LDLRAD2: variants seen among roughly 807,000 people sequenced by gnomAD.
The protein encoded by LDLRAD2 is low density lipoprotein receptor class A domain containing 2, also known as low-density lipoprotein receptor class A domain-containing protein 2.
A neutral mutation model predicts 24.9 loss-of-function variants in LDLRAD2; 25 were observed. That is an observed-to-expected ratio of 1.00 (90% CI 0.73 to 1.40). The LOEUF (loss-of-function observed/expected upper bound fraction) is 1.40. Among genes scored for constraint, LDLRAD2 ranks in the 40% most tolerant of loss-of-function variants. The pLI, the probability that LDLRAD2 is intolerant of heterozygous loss-of-function variation, is 0.00. For synonymous variants in LDLRAD2, 182 were observed against 166.7 expected (o/e 1.09, Z -0.71); for missense variants, 391 against 366.2 (o/e 1.07, Z -0.55).
rs1170934756 is a variant in LDLRAD2, at chr1:21,812,410, A to T, written c.-42A>T. ...TCTCCCCAGAGACCCCAAGCTGAAG[A>T]TTCTGTGGGTCTGCCCCATTGCTGG... On this transcript the variant is annotated 5_prime_UTR_variant, in exon 1 of 5. Transcript: ENST00000344642. 2.6e-6 allele frequency: 4 copies of T among 1,538,124 alleles called. No homozygotes were observed. The highest frequency in any genetic ancestry group is 3.6e-6 in the Non-Finnish European group (4 of 1,111,742).
In LDLRAD2 at chr1:21,823,487, G is replaced by A. The variant is rs568526447; in HGVS notation, c.*1272G>A. 2.3e-5 allele frequency: 37 copies of A among 1,602,128 alleles called. No individual in the cohort carries two copies. In the East Asian group the frequency reaches 6.9e-4, roughly 30 times the overall value. On this transcript the variant is annotated 3_prime_UTR_variant, in exon 5 of 5. Transcript: ENST00000344642. ...TCAGCGTGGCCACGTCAGGGGCTCC[G>A]CCTGCCGGGAGGTGAGAGGACAGGG...
At position 21,823,406 on chromosome 1, in the gene LDLRAD2, G is replaced by A. The variant is rs1247850078; in HGVS notation, c.*1191G>A. The A allele has an allele frequency of 2.5e-6, 4 of 1,576,764 alleles. No individual in the cohort carries two copies. Among genetic ancestry groups the A allele is most frequent in the Non-Finnish European group, 3.4e-6 (4 of 1,166,190 alleles). On this transcript the variant is annotated 3_prime_UTR_variant, in exon 5 of 5. Transcript: ENST00000344642. Reference sequence around the variant, plus strand: ...GGGGCGGGGCGCCGGGTCGGGCCGAGTGCAGCACCAGGTTCTTGACACAGC... The same window carrying A: ...GGGGCGGGGCGCCGGGTCGGGCCGAATGCAGCACCAGGTTCTTGACACAGC...
rs954014198 is a variant in LDLRAD2 at position 21,813,872 on chromosome 1, T to TC, written c.86-522dup. ...GCTCCTTATCACACAGCTCTCCCCC[T>TC]CCCCTTTTTTTTTTTTGGTGACGGA... is the stretch of plus-strand genomic sequence containing the variant. On this transcript the variant is annotated intron_variant, in intron 1 of 4. Coordinates refer to ENST00000344642, the MANE Select transcript of LDLRAD2 (RefSeq NM_001013693.3). 1.9e-4 allele frequency among the ~76,000 whole-genome samples: 14 copies of TC among 75,666 alleles called. No homozygotes were observed. In the East Asian group the frequency reaches 2.5e-3, roughly 14 times the overall value. The allele number at this position is 75,666 out of a possible 152,430, so 49.6% of individuals were successfully genotyped here.
In LDLRAD2 at chr1:21,823,666, C is replaced by T. The variant is rs142762124; in HGVS notation, c.*1451C>T. The T allele has an allele frequency of 1.7e-5, 28 of 1,613,550 alleles. No homozygotes were observed. In the African/African-American group the frequency reaches 2.9e-4, roughly 17 times the overall value. On this transcript the variant is annotated 3_prime_UTR_variant, in exon 5 of 5. Transcript: ENST00000344642. ...GACTGCCACGTTGGGACCTGGGGAC[C>T]GGCCGCTGACCAGCTCCTCACCGTC...
chr1:21,819,814 G>A (rs2097948358), intron 3 of LDLRAD2, among the ~76,000 whole-genome samples: 1 of 152,164 alleles, frequency 6.6e-6, no homozygotes, highest in African/African-American at 2.4e-5. Context: ...ATAAAGAAAA[G>A]AGGTTTAATT....
At chr1:21,821,289 C>G (rs1407417366) in intron 3 of LDLRAD2, among the ~76,000 whole-genome samples, 161 bp from the exon 4 acceptor site, 2 of 152,164 alleles carry the variant, frequency 1.3e-5, no homozygotes, top group Admixed American at 6.5e-5. Context: ...TCAAGTCCTC[C>G]TATCACTTCC....
Position 21,821,576 on chromosome 1 carries a change from G to T in LDLRAD2, c.770G>T (p.Gly257Val). Reference sequence around the variant, plus strand: ...GCAGCTGAGAGGAGTTCCCCAGCAGGCAGGGACCCCACGAGACAAGACGCA... The same window carrying T: ...GCAGCTGAGAGGAGTTCCCCAGCAGTCAGGGACCCCACGAGACAAGACGCA... ...WIAAERSSPA[G>V]RDPTRQDAAL... The change falls in exon 4 of 5, where the codon GGC becomes GTC. Residue 257 changes from glycine to valine, a missense_variant. Transcript: ENST00000344642. 1 of 1,614,072 alleles carries T rather than the reference G, an allele frequency of 6.2e-7. No homozygotes were observed. The highest frequency in any genetic ancestry group is 8.5e-7 in the Non-Finnish European group (1 of 1,180,012).
intron 1 of LDLRAD2, among the ~76,000 whole-genome samples, chr1:21,813,016 G>T (rs1417813077): frequency 6.6e-6 from 1 of 152,196 alleles, no homozygotes; most frequent in Non-Finnish European, 1.5e-5. Flanking sequence ...CAAATTCCCG[G>T]CTGGGCGCAG....
Position 21,823,771 on chromosome 1 carries a change from G to T in LDLRAD2, c.*1556G>T. 1 of 1,420,262 alleles carries T rather than the reference G, an allele frequency of 7.0e-7. No individual in the cohort carries two copies. 88.0% of individuals were successfully genotyped at this position (1,420,262 alleles called of 1,614,324 possible). ...TTCCACAAACTTCCTGGTCCTCCCC[G>T]GCCCCACGACAGAGTCCCCTCCCTC... On this transcript the variant is annotated 3_prime_UTR_variant, in exon 5 of 5. Coordinates refer to ENST00000344642, the MANE Select transcript of LDLRAD2 (RefSeq NM_001013693.3).
rs756778554 is a variant in LDLRAD2 at position 21,824,187 on chromosome 1, C to T, written c.*1972C>T. 1.9e-5 allele frequency: 31 copies of T among 1,613,788 alleles called. No homozygotes were observed. Among genetic ancestry groups the T allele is most frequent in the Non-Finnish European group, 2.5e-5 (30 of 1,180,028 alleles). On this transcript the variant is annotated 3_prime_UTR_variant, in exon 5 of 5. Coordinates refer to ENST00000344642, the MANE Select transcript of LDLRAD2 (RefSeq NM_001013693.3). The surrounding 1 kb of genome is among the most constrained non-coding windows in gnomAD (Gnocchi z 5.9). ...GTCCTCAGAGACCAGGCGGGCCTCC[C>T]CACTACCCAGCTGGTACCTGCAGTC... is the stretch of plus-strand genomic sequence containing the variant.
chr1:21,816,116 G>A (rs759201201), intron 3 of LDLRAD2, 42 bp downstream of exon 3: 2 of 1,601,558 alleles, frequency 1.2e-6, no homozygotes, highest in African/African-American at 2.7e-5. Flanking sequence ...AACAGCTGGA[G>A]GGAAGCCTGG....
rs2097962695 is a variant in LDLRAD2 at position 21,824,393 on chromosome 1, G to A, written c.*2178G>A. On this transcript the variant is annotated 3_prime_UTR_variant, in exon 5 of 5. Coordinates refer to ENST00000344642, the MANE Select transcript of LDLRAD2 (RefSeq NM_001013693.3). This position sits in a 1 kb window ranked among gnomAD's most constrained non-coding sequence, Gnocchi z 5.9. The stretch of plus-strand genomic sequence containing the variant: ...TCCCACCTCCTGCCAGGGAAGCACA[G>A]GGTCTCTGGGGTCCCCAGCCTGGAG... 8 of 1,613,368 alleles carry A rather than the reference G, an allele frequency of 5.0e-6. No individual in the cohort carries two copies. Among genetic ancestry groups the A allele is most frequent in the African/African-American group, 2.7e-5 (2 of 74,918 alleles).
At chr1:21,817,241 C>T (rs1232560924) in intron 3 of LDLRAD2, among the ~76,000 whole-genome samples, 2 of 152,220 alleles carry the variant, frequency 1.3e-5, no homozygotes, top group Non-Finnish European at 2.9e-5. Context: ...GTTCTAATAA[C>T]TTCTGAACTG....
Position 21,821,690 on chromosome 1 carries a change from G to C in LDLRAD2, c.805+79G>C, listed in dbSNP as rs554781443. The C allele has an allele frequency of 1.7e-5, 27 of 1,571,086 alleles. No homozygotes were observed. In the African/African-American group the frequency reaches 3.1e-4, roughly 18 times the overall value. ...TGATGGGGACGGGGCAGAGGACCCA[G>C]GCCGAGGCCTGAGTGGACTTTCTCT... On this transcript the variant is annotated intron_variant, in intron 4 of 4. Coordinates refer to ENST00000344642, the MANE Select transcript of LDLRAD2 (RefSeq NM_001013693.3).
At chr1:21,814,928 A>C in intron 2 of LDLRAD2, 105 bp downstream of exon 2, 1 of 1,125,816 alleles carries the variant, frequency 8.9e-7, no homozygotes. Context: ...GGGGAATGGC[A>C]GGGGTGCCCG....
At chr1:21,815,849 C>G in intron 2 of LDLRAD2, 94 bp from the exon 3 acceptor site, 1 of 1,486,168 alleles carries the variant, frequency 6.7e-7, no homozygotes, top group Non-Finnish European at 9.1e-7. Flanking sequence ...CTCTCCTGCC[C>G]ACACCCCCAC....
At chr1:21,816,596 G>A (rs933785008) in intron 3 of LDLRAD2, among the ~76,000 whole-genome samples, 1 of 152,136 alleles carries the variant, frequency 6.6e-6, no homozygotes, top group African/African-American at 2.4e-5. Flanking sequence ...GTTGGTGGAA[G>A]GGACCAGAAC....
At chr1:21,821,739 G>A in intron 4 of LDLRAD2, 128 bp downstream of exon 4, 2 of 1,507,194 alleles carry the variant, frequency 1.3e-6, no homozygotes, top group Non-Finnish European at 1.8e-6. Context: ...CAGCTCTGAG[G>A]GGTGGCGCTG....
rs2097953660 is a variant in LDLRAD2 at position 21,822,274 on chromosome 1, A to G, written c.*59A>G. On this transcript the variant is annotated 3_prime_UTR_variant, in exon 5 of 5. Coordinates refer to ENST00000344642, the MANE Select transcript of LDLRAD2 (RefSeq NM_001013693.3). ...GGGATAGCACCGTTTATTAAGAAAAATCAAGACAAAGACCACAGGAGGGTC... is the reference window on the plus strand; with the variant it reads ...GGGATAGCACCGTTTATTAAGAAAAGTCAAGACAAAGACCACAGGAGGGTC... 9 of 1,568,452 alleles carry G rather than the reference A, an allele frequency of 5.7e-6. No individual in the cohort carries two copies. In the South Asian group the frequency reaches 8.9e-5, roughly 15 times the overall value.
Sources: allele counts gnomAD v4.1 joint callset (sites outside exome capture counted in the v4.1 genomes callset), GRCh38; gene constraint gnomAD v4.1.1; non-coding constraint Gnocchi (gnomAD v3.1); transcripts MANE v1.5; gene names NCBI Gene and HGNC (gene_info 2026-07-23, HGNC 2026-07-21).